Variants in OPTN observed in about 807,000 individuals in gnomAD.
OPTN encodes the protein E3-14.7K-interacting protein.
A neutral mutation model predicts 70.4 loss-of-function variants in OPTN; 54 were observed. That is an observed-to-expected ratio of 0.77 (90% confidence interval 0.62 to 0.96). OPTN has a LOEUF of 0.96. Among genes scored for constraint, OPTN ranks in the 40% least tolerant of loss-of-function variants. The pLI is 0.00. For synonymous variants in OPTN, 256 were observed against 248.5 expected (o/e 1.03, Z -0.28); for missense variants, 624 against 673.2 (o/e 0.93, Z 0.81).
chr10:13,116,145 T>C (rs1370011607), intron 5 of OPTN, 122 bp from the exon 6 acceptor site: 1 of 736,966 alleles, frequency 1.4e-6, no homozygotes, highest in African/African-American at 1.7e-5. Flanking sequence ...CACATCTGAA[T>C]GTTTGGAAGC....
chr10:13,112,980 C>T (rs74861889), intron 5 of OPTN, among the ~76,000 whole-genome samples: 1,858 of 152,098 alleles, frequency 0.012, 51 homozygotes, highest in African/African-American at 0.043. Flanking sequence ...AGCTGTATTC[C>T]GCAGTTCACT....
Position 13,119,147 on chromosome 10 carries a change from T to C in OPTN, c.779+107T>C. On this transcript the variant is annotated intron_variant, in intron 7 of 14. Transcript: ENST00000378747. ...CATTTAAAGTATACATTTCAGTGTT[T>C]TTTAGAATATTCCAGGATTGTGCAA... The C allele has an allele frequency of 2.7e-6, 3 of 1,100,352 alleles. No homozygotes were observed. In the Admixed American group the frequency reaches 6.2e-5, roughly 23 times the overall value. 68.2% of individuals were successfully genotyped at this position (1,100,352 alleles called of 1,614,324 possible).
At chr10:13,112,211 A>AGTCTTCCTGCCTCAGCCT (rs1833023600) in intron 4 of OPTN, among the ~76,000 whole-genome samples, 1 of 144,870 alleles carries the variant, frequency 6.9e-6, no homozygotes. Context: ...GGGCTCAGGC[A>AGTCTTCCTGCCTCAGCCT]GTCTTCCTGC....
intron 6 of OPTN, among the ~76,000 whole-genome samples, chr10:13,117,302 G>A (rs958722553): frequency 5.3e-5 from 8 of 151,558 alleles, no homozygotes; most frequent in Admixed American, 3.9e-4. Context: ...GGATGGTCTC[G>A]ATCTCCTGAC....
In OPTN at chr10:13,118,929, A is replaced by G; in HGVS notation, c.668A>G (p.Lys223Arg). Reference protein sequence around the residue: ...KYRSRSADGAKNYFEHEELTV... With the variant: ...KYRSRSADGARNYFEHEELTV... Reference sequence around the variant, plus strand: ...AGGAGCAGATCTGCAGATGGGGCCAAGAATTACTTCGAACATGAGGAGTTA... The same window carrying G: ...AGGAGCAGATCTGCAGATGGGGCCAGGAATTACTTCGAACATGAGGAGTTA... Residue 223 changes from lysine (K) to arginine (R), a missense_variant, in exon 7 of 15, where the codon AAG (lysine) becomes AGG (arginine). Transcript: ENST00000378747. 1 of 1,614,184 alleles carries G rather than the reference A, an allele frequency of 6.2e-7. No individual in the cohort carries two copies. Among genetic ancestry groups the G allele is most frequent in the Admixed American group, 1.7e-5 (1 of 60,026 alleles).
rs1354851361 is a variant in OPTN at position 13,114,816 on chromosome 10, A to G, written c.553-1451A>G. ...TAATTATATATACATATATATAATT[A>G]TATAATTATATAATTATATAATTAT... is the stretch of plus-strand genomic sequence containing the variant. On this transcript the variant is annotated intron_variant, in intron 5 of 14. Transcript: ENST00000378747. Among the ~76,000 whole-genome samples, 4 of 108,594 alleles carry G rather than the reference A, an allele frequency of 3.7e-5. 1 individual carries two copies. The highest frequency in any genetic ancestry group is 6.9e-5 in the Non-Finnish European group (4 of 57,806). 71.2% of individuals were successfully genotyped at this position (108,594 alleles called of 152,430 possible).
chr10:13,105,377 T>C (rs1832843483), intron 1 of OPTN, among the ~76,000 whole-genome samples: 1 of 152,200 alleles, frequency 6.6e-6, no homozygotes, highest in East Asian at 1.9e-4. Context: ...TTCATAAGGA[T>C]TATCATTTGC....
intron 9 of OPTN, 29 bp downstream of exon 9, chr10:13,124,139 C>T (rs765367568): frequency 3.9e-6 from 5 of 1,282,358 alleles, no homozygotes; most frequent in African/African-American, 1.5e-5. Flanking sequence ...TTTTATCCTC[C>T]TTTGAAATAT....
intron 1 of OPTN, among the ~76,000 whole-genome samples, chr10:13,100,614 G>A (rs1832720151): frequency 6.6e-6 from 1 of 152,194 alleles, no homozygotes; most frequent in South Asian, 2.1e-4. Context: ...TGGAGGTGAC[G>A]TCCTCCCGCA....
chr10:13,104,262 T>C (rs1372880875), intron 1 of OPTN, among the ~76,000 whole-genome samples: 3 of 134,954 alleles, frequency 2.2e-5, no homozygotes, highest in East Asian at 2.1e-4. Flanking sequence ...TTCTTTTTTT[T>C]TTTTTTTTTT....
At chr10:13,130,578 C>T (rs542376517) in intron 12 of OPTN, among the ~76,000 whole-genome samples, 2 of 152,008 alleles carry the variant, frequency 1.3e-5, no homozygotes, top group Non-Finnish European at 2.9e-5. Flanking sequence ...CTCCAAAACA[C>T]CCATGATCCA....
At chr10:13,103,742 GCA>G (rs771828062) in intron 1 of OPTN, among the ~76,000 whole-genome samples, 16 of 64,888 alleles carry the variant, frequency 2.5e-4, no homozygotes, top group East Asian at 7.9e-4. Flanking sequence ...ACACACACAT[GCA>G]CACACACACA....
chr10:13,118,311 G>A (rs767173782), intron 6 of OPTN, among the ~76,000 whole-genome samples: 3 of 152,110 alleles, frequency 2.0e-5, no homozygotes, highest in Admixed American at 2.0e-4. Flanking sequence ...TCATGATTCT[G>A]TTTGTCACTG....
chr10:13,131,122 T>C (rs1290668784), intron 12 of OPTN, among the ~76,000 whole-genome samples: 1 of 152,114 alleles, frequency 6.6e-6, no homozygotes, highest in Admixed American at 6.6e-5. Flanking sequence ...GGTTTTGCCA[T>C]GTTGCCCAGG....
At position 13,137,042 on chromosome 10, in the gene OPTN, G is replaced by A; in HGVS notation, c.*176G>A. Reference sequence around the variant, plus strand: ...TGCCTGTAATCCCAGCACTTTGGGAGGTCGAGGTGGGTGGATCACTTGGGG... The same window carrying A: ...TGCCTGTAATCCCAGCACTTTGGGAAGTCGAGGTGGGTGGATCACTTGGGG... On this transcript the variant is annotated 3_prime_UTR_variant, in exon 15 of 15. Coordinates refer to ENST00000378747, the MANE Select transcript of OPTN (RefSeq NM_001008212.2). 1.4e-6 allele frequency: 1 copy of A among 739,238 alleles called. No homozygotes were observed. Among genetic ancestry groups the A allele is most frequent in the Non-Finnish European group, 2.3e-6 (1 of 438,082 alleles). 45.8% of individuals were successfully genotyped at this position (739,238 alleles called of 1,614,324 possible).
intron 8 of OPTN, among the ~76,000 whole-genome samples, 167 bp from the exon 9 acceptor site, chr10:13,123,828 C>A (rs1388033942): frequency 6.6e-6 from 1 of 152,170 alleles, no homozygotes. Context: ...TACCAAGTAT[C>A]CAAAACATTC....
At chr10:13,124,186 GTTTT>G in intron 9 of OPTN, 76 bp downstream of exon 9, 4 of 825,926 alleles carry the variant, frequency 4.8e-6, no homozygotes, top group African/African-American at 1.7e-5. Flanking sequence ...TAAAAACATA[GTTTT>G]TTAACTATGT....
chr10:13,105,054 CT>C (rs1174598541), intron 1 of OPTN, among the ~76,000 whole-genome samples: 1 of 152,068 alleles, frequency 6.6e-6, no homozygotes, highest in Non-Finnish European at 1.5e-5. Context: ...CCCACCTTGG[CT>C]TCCCAAAGTG....
chr10:13,116,494 T>G, intron 6 of OPTN, 154 bp downstream of exon 6: 1 of 699,466 alleles, frequency 1.4e-6, no homozygotes, highest in Admixed American at 2.0e-5. Context: ...TGAATGCTAT[T>G]TAATGTTGCA....
Sources: gnomAD v4.1 joint callset for allele counts (sites outside exome capture counted in the v4.1 genomes callset) on GRCh38, gnomAD v4.1.1 for gene constraint, MANE v1.5 for transcripts, NCBI Gene and HGNC (gene_info 2026-07-23, HGNC 2026-07-21) for gene names.